Variants in PLEKHM3 observed in about 807,000 individuals in gnomAD.
The protein encoded by PLEKHM3 is pleckstrin homology domain containing M3, also known as pleckstrin homology domain-containing family M member 3.
In PLEKHM3, 45 loss-of-function variants were observed where a neutral mutation model predicts 81.8. That is an observed-to-expected ratio of 0.55 (90% CI 0.43 to 0.71). The LOEUF is 0.71. Ranked by LOEUF, PLEKHM3 falls within the 30% of genes least tolerant of loss-of-function variation. The pLI, the probability that PLEKHM3 is intolerant of heterozygous loss-of-function variation, is 0.00. For missense variants in PLEKHM3, 788 were observed against 924.3 expected, an observed-to-expected ratio of 0.85 and a Z score of 1.91; for synonymous variants, 352 against 356.4, an observed-to-expected ratio of 0.99 and a Z score of 0.14.
intron 5 of PLEKHM3, among the ~76,000 whole-genome samples, chr2:207,928,178 A>G (rs13020821): frequency 0.2 from 30,360 of 152,168 alleles, 3,625 homozygotes; most frequent in Middle Eastern, 0.34. Flanking sequence ...AAAATTTAAA[A>G]TAAAGCAGTG....
chr2:207,911,537 G>C (rs980353125), intron 5 of PLEKHM3, among the ~76,000 whole-genome samples: 2 of 152,116 alleles, frequency 1.3e-5, no homozygotes, highest in Non-Finnish European at 2.9e-5. Context: ...CAAGATCCAA[G>C]GGCCCAAACT....
intron 3 of PLEKHM3, among the ~76,000 whole-genome samples, chr2:207,949,848 A>G (rs1021913330): frequency 1.3e-5 from 2 of 152,228 alleles, no homozygotes; most frequent in East Asian, 1.9e-4. Context: ...CCTAGTAGGC[A>G]CTACTGGATT....
At chr2:207,884,198 T>C (rs1298684873) in intron 6 of PLEKHM3, among the ~76,000 whole-genome samples, 1 of 136,340 alleles carries the variant, frequency 7.3e-6, no homozygotes, top group Admixed American at 8.2e-5. Flanking sequence ...CCTTATCTGA[T>C]ACAGGACATC....
chr2:207,917,049 T>C (rs1490587711), intron 5 of PLEKHM3, among the ~76,000 whole-genome samples: 1 of 152,178 alleles, frequency 6.6e-6, no homozygotes, highest in African/African-American at 2.4e-5. Flanking sequence ...GAAGAGCTAT[T>C]AGGATATCAG....
intron 6 of PLEKHM3, among the ~76,000 whole-genome samples, chr2:207,903,237 T>A (rs1688498979): frequency 6.6e-6 from 1 of 152,182 alleles, no homozygotes; most frequent in East Asian, 1.9e-4. Flanking sequence ...GAATCTAAAC[T>A]GCCCTCACCT....
chr2:207,978,760 T>A (rs1691414893), intron 2 of PLEKHM3, among the ~76,000 whole-genome samples: 2 of 151,128 alleles, frequency 1.3e-5, no homozygotes, highest in Admixed American at 1.3e-4. Flanking sequence ...GAGTCTGTCC[T>A]GATTCCCCAA....
intron 5 of PLEKHM3, among the ~76,000 whole-genome samples, chr2:207,911,439 T>C (rs1366175995): frequency 1.3e-5 from 2 of 152,222 alleles, no homozygotes; most frequent in Non-Finnish European, 2.9e-5. Flanking sequence ...CCATGGCATA[T>C]TGATCAAAAA....
At chr2:208,018,737 CA>C (rs1693015034) in intron 1 of PLEKHM3, among the ~76,000 whole-genome samples, 2 of 152,160 alleles carry the variant, frequency 1.3e-5, no homozygotes, top group African/African-American at 2.4e-5. Flanking sequence ...ATGTTCTTTC[CA>C]AAATTAAAAC....
In PLEKHM3 at chr2:208,023,619, T is replaced by C. The variant is rs143472761; in HGVS notation, c.-319+1770A>G. Reference sequence around the variant, plus strand: ...GAACTGTGCGTGCGAGGGATCTAGGTTGCACGCTCCTTATGAGAATCTAAC... The same window carrying C: ...GAACTGTGCGTGCGAGGGATCTAGGCTGCACGCTCCTTATGAGAATCTAAC... On this transcript the variant is annotated intron_variant, in intron 1 of 7. Transcript: ENST00000427836. Among the ~76,000 whole-genome samples the C allele has an allele frequency of 4.8e-3, 726 of 152,118 alleles. 7 individuals carry two copies. The highest frequency in any genetic ancestry group is 0.017 in the African/African-American group (687 of 41,486).
In PLEKHM3 at chr2:207,865,781, C is replaced by CAAAAAAAAAAAAAAAAAA. The variant is rs71412445; in HGVS notation, c.1951-4537_1951-4520dup. On this transcript the variant is annotated intron_variant, in intron 6 of 7. Coordinates refer to ENST00000427836, the MANE Select transcript of PLEKHM3 (RefSeq NM_001080475.3). The stretch of plus-strand genomic sequence containing the variant: ...GGCAACAAGAACAAAAACTCCGACT[C>CAAAAAAAAAAAAAAAAAA]AAAAAAAAAAAAAAAAAAAAAGATA... Among the ~76,000 whole-genome samples, 2 of 3,792 alleles carry CAAAAAAAAAAAAAAAAAA rather than the reference C, an allele frequency of 5.3e-4. 1 individual carries two copies. The allele number at this position is 3,792 out of a possible 152,430, so 2.5% of individuals were successfully genotyped here. A position where few individuals can be genotyped will look rare whatever the true frequency, so the allele number is the denominator to read the frequency against.
intron 6 of PLEKHM3, 81 bp from the exon 7 acceptor site, chr2:207,861,343 T>C: frequency 1.2e-5 from 17 of 1,383,218 alleles, no homozygotes; most frequent in Non-Finnish European, 1.6e-5. Context: ...AAGGAATTCC[T>C]TTCCTTTACA....
At chr2:207,913,369 GTAGA>G (rs1263261403) in intron 5 of PLEKHM3, among the ~76,000 whole-genome samples, 1 of 152,142 alleles carries the variant, frequency 6.6e-6, no homozygotes, top group African/African-American at 2.4e-5. Flanking sequence ...ATATTTAGGA[GTAGA>G]TAAACAGAAA....
At chr2:207,834,342 T>G (rs10168267) in intron 7 of PLEKHM3, among the ~76,000 whole-genome samples, 1 of 150,866 alleles carries the variant, frequency 6.6e-6, no homozygotes, top group Non-Finnish European at 1.5e-5. Flanking sequence ...GTGGGTCAGG[T>G]TGGTCTCAAA....
At chr2:207,925,316 G>A (rs1268618821) in intron 5 of PLEKHM3, among the ~76,000 whole-genome samples, 1 of 151,868 alleles carries the variant, frequency 6.6e-6, no homozygotes, top group African/African-American at 2.4e-5. Flanking sequence ...GATCCTGTGT[G>A]CTCTGCACAG....
intron 1 of PLEKHM3, among the ~76,000 whole-genome samples, chr2:208,007,928 C>T (rs1170385283): frequency 3.9e-5 from 6 of 152,158 alleles, no homozygotes; most frequent in African/African-American, 1.4e-4. Flanking sequence ...TGGCGGGTAC[C>T]TGTAGTCCCA....
chr2:207,928,791 T>C (rs1156810245), intron 5 of PLEKHM3, among the ~76,000 whole-genome samples: 2 of 152,258 alleles, frequency 1.3e-5, no homozygotes, highest in African/African-American at 4.8e-5. Flanking sequence ...GGTAGTGTAT[T>C]AGAAGTAAAA....
chr2:207,871,591 G>A (rs561332009), intron 6 of PLEKHM3, among the ~76,000 whole-genome samples: 1 of 152,280 alleles, frequency 6.6e-6, no homozygotes, highest in Non-Finnish European at 1.5e-5. Flanking sequence ...TGGCAAAGAT[G>A]AAACCGAGAA....
chr2:207,895,481 G>A (rs1673791135), intron 6 of PLEKHM3, among the ~76,000 whole-genome samples: 3 of 152,164 alleles, frequency 2.0e-5, no homozygotes, highest in Non-Finnish European at 4.4e-5. Flanking sequence ...CTGTGCCCTT[G>A]ACCTGTGCTC....
At chr2:207,982,495 C>A (rs1043812757) in intron 2 of PLEKHM3, among the ~76,000 whole-genome samples, 2 of 150,324 alleles carry the variant, frequency 1.3e-5, no homozygotes, top group Admixed American at 1.3e-4. Context: ...GTCTCAAACT[C>A]CTGGCTTCAA....
Sources: allele counts gnomAD v4.1 joint callset (sites outside exome capture counted in the v4.1 genomes callset), GRCh38; gene constraint gnomAD v4.1.1; transcripts MANE v1.5; gene names NCBI Gene and HGNC (gene_info 2026-07-23, HGNC 2026-07-21).